Variants in TMEM132B observed in about 807,000 individuals in gnomAD.
TMEM132B encodes the protein transmembrane protein 132B.
TMEM132B carries 18 observed loss-of-function variants against 90.8 expected under a neutral mutation model. That is an observed-to-expected ratio of 0.20 (90% CI 0.14 to 0.29). The LOEUF (loss-of-function observed/expected upper bound fraction) is 0.29. TMEM132B is among the 10% of genes least tolerant of loss of function. TMEM132B has a pLI of 1.00. For missense variants in TMEM132B, 1,096 were observed against 1,326.8 expected (o/e 0.83, Z 2.70); for synonymous variants, 504 against 523.3 (o/e 0.96, Z 0.50).
intron 1 of TMEM132B, among the ~76,000 whole-genome samples, chr12:125,286,261 C>G (rs1423991042): frequency 6.6e-6 from 1 of 152,246 alleles, no homozygotes; most frequent in Non-Finnish European, 1.5e-5. Context: ...GCCTCCGGAA[C>G]TCATGCTCTT....
chr12:125,398,631 G>C (rs1032593755), intron 2 of TMEM132B, among the ~76,000 whole-genome samples: 5 of 152,192 alleles, frequency 3.3e-5, no homozygotes, highest in African/African-American at 2.4e-5. Flanking sequence ...GTTCAGTGTG[G>C]TCAAGTTTCA....
intron 4 of TMEM132B, among the ~76,000 whole-genome samples, chr12:125,527,863 T>G (rs574099879): frequency 3.9e-5 from 6 of 152,364 alleles, no homozygotes; most frequent in African/African-American, 1.4e-4. Flanking sequence ...GATTCATAAT[T>G]TTTTAGTGAA....
At chr12:125,648,278 C>T (rs1316594716) in intron 6 of TMEM132B, among the ~76,000 whole-genome samples, 1 of 151,886 alleles carries the variant, frequency 6.6e-6, no homozygotes, top group Non-Finnish European at 1.5e-5. Flanking sequence ...GTATATGTGC[C>T]ACATTTTCTT....
chr12:125,565,672 G>A lies in TMEM132B; in HGVS notation c.1294-18179G>A, dbSNP rs574131486. 7.9e-5 allele frequency among the ~76,000 whole-genome samples: 12 copies of A among 152,316 alleles called. No individual in the cohort carries two copies. In the South Asian group the frequency reaches 1.9e-3, roughly 24 times the overall value. Reference sequence around the variant, plus strand: ...GGAGTTTGGCTGTCCAGTGGCCGATGTCCTCTCCGACTGCCCCCAGCTGAA... The same window carrying A: ...GGAGTTTGGCTGTCCAGTGGCCGATATCCTCTCCGACTGCCCCCAGCTGAA... On this transcript the variant is annotated intron_variant, in intron 4 of 8. Coordinates refer to ENST00000682704, the MANE Select transcript of TMEM132B (RefSeq NM_001366854.1).
intron 4 of TMEM132B, among the ~76,000 whole-genome samples, chr12:125,529,010 C>T (rs1347433585): frequency 7.0e-6 from 1 of 143,278 alleles, no homozygotes; most frequent in African/African-American, 2.6e-5. Context: ...TCCTTCTTCT[C>T]CTTTCTTCCC....
At chr12:125,497,940 G>A (rs1239814730) in intron 3 of TMEM132B, among the ~76,000 whole-genome samples, 1 of 152,158 alleles carries the variant, frequency 6.6e-6, no homozygotes, top group Non-Finnish European at 1.5e-5. Flanking sequence ...TCTTAGCCAT[G>A]CTTGATCATG....
At chr12:125,607,041 A>C (rs906235660) in intron 5 of TMEM132B, among the ~76,000 whole-genome samples, 2 of 152,104 alleles carry the variant, frequency 1.3e-5, no homozygotes, top group South Asian at 4.1e-4. Context: ...CGGGAGTCCC[A>C]CTGCAGAGGT....
chr12:125,538,750 G>A (rs982086663), intron 4 of TMEM132B, among the ~76,000 whole-genome samples: 2 of 152,116 alleles, frequency 1.3e-5, no homozygotes, highest in Non-Finnish European at 2.9e-5. Context: ...CAGGGTTCAG[G>A]AGGTTCTTCA....
At chr12:125,516,851 T>C (rs1410666197) in intron 3 of TMEM132B, among the ~76,000 whole-genome samples, 5 of 152,164 alleles carry the variant, frequency 3.3e-5, no homozygotes, top group African/African-American at 7.2e-5. Context: ...AAAGAGAAAT[T>C]GAAAATTTGG....
At chr12:125,372,152 T>C (rs1308427209) in intron 2 of TMEM132B, among the ~76,000 whole-genome samples, 2 of 152,268 alleles carry the variant, frequency 1.3e-5, no homozygotes, top group Non-Finnish European at 2.9e-5. Flanking sequence ...GAGAATTTTA[T>C]TCAAACTTGG....
At chr12:125,303,412 A>G (rs1461460004) in intron 1 of TMEM132B, among the ~76,000 whole-genome samples, 2 of 152,032 alleles carry the variant, frequency 1.3e-5, no homozygotes, top group East Asian at 3.8e-4. Context: ...GGCTGTTTCC[A>G]CTTTTTGGAT....
intron 4 of TMEM132B, among the ~76,000 whole-genome samples, chr12:125,580,168 C>A (rs1885019855): frequency 6.6e-6 from 1 of 152,232 alleles, no homozygotes; most frequent in African/African-American, 2.4e-5. Flanking sequence ...ATGAGCACAG[C>A]TCTAGGCATG....
intron 3 of TMEM132B, among the ~76,000 whole-genome samples, chr12:125,439,523 C>T (rs1358431859): frequency 6.6e-6 from 1 of 152,124 alleles, no homozygotes; most frequent in Non-Finnish European, 1.5e-5. Context: ...GATTTTGTAT[C>T]CTGAGTCTTT....
chr12:125,411,176 G>A (rs1013951898), intron 2 of TMEM132B, among the ~76,000 whole-genome samples: 3 of 120,504 alleles, frequency 2.5e-5, no homozygotes, highest in Non-Finnish European at 5.5e-5. Flanking sequence ...GGAGTGGAGT[G>A]GAGTGAGTGG....
rs188932902 is a variant in TMEM132B, at chr12:125,535,198, C to A, written c.1293+15573C>A. Among the ~76,000 whole-genome samples the A allele has an allele frequency of 1.7e-3, 260 of 152,342 alleles. 2 individuals carry two copies. Among genetic ancestry groups the A allele is most frequent in the African/African-American group, 6.0e-3 (251 of 41,582 alleles). On this transcript the variant is annotated intron_variant, in intron 4 of 8. Transcript: ENST00000682704. The stretch of plus-strand genomic sequence containing the variant: ...ATATTCTATAACAGGCATCCCTACT[C>A]ACTTCATCAGTTACCGCCATTGTTC...
chr12:125,379,511 T>C (rs1169220624), intron 2 of TMEM132B, among the ~76,000 whole-genome samples: 2 of 152,062 alleles, frequency 1.3e-5, no homozygotes, highest in African/African-American at 4.8e-5. Flanking sequence ...AGACAAAAAA[T>C]GGATATTCTC....
At chr12:125,511,679 C>T (rs113737271) in intron 3 of TMEM132B, among the ~76,000 whole-genome samples, 1,830 of 151,662 alleles carry the variant, frequency 0.012, 12 homozygotes, top group Middle Eastern at 0.034. Flanking sequence ...GGTGAAACCC[C>T]GTCTCTACTA....
intron 2 of TMEM132B, among the ~76,000 whole-genome samples, chr12:125,410,590 GT>G (rs1433415412): frequency 9.5e-5 from 1 of 10,560 alleles, no homozygotes; most frequent in South Asian, 4.3e-3. Flanking sequence ...GTGGAGTGGA[GT>G]GAGTGGAGTG....
intron 1 of TMEM132B, among the ~76,000 whole-genome samples, chr12:125,232,721 A>C (rs1873854885): frequency 6.6e-6 from 1 of 152,168 alleles, no homozygotes; most frequent in Non-Finnish European, 1.5e-5. Flanking sequence ...TGTTTTTCCT[A>C]AGGACCCAAG....
Sources: gnomAD v4.1 joint callset for allele counts (sites outside exome capture counted in the v4.1 genomes callset) on GRCh38, gnomAD v4.1.1 for gene constraint, MANE v1.5 for transcripts, NCBI Gene and HGNC (gene_info 2026-07-23, HGNC 2026-07-21) for gene names.